Variants in GRM8 observed in about 807,000 individuals in gnomAD.
GRM8 encodes glutamate metabotropic receptor 8.
In GRM8, 47 loss-of-function variants were observed where a neutral mutation model predicts 87.2. The ratio of observed to expected loss-of-function variants is 0.54; its 90% confidence interval spans 0.43 to 0.69. The LOEUF (loss-of-function observed/expected upper bound fraction) is 0.69, where lower values mean the gene tolerates loss of function less well. Ranked by LOEUF, GRM8 falls within the 30% of genes least tolerant of loss-of-function variation. The pLI is 0.00. For synonymous variants in GRM8, 396 were observed against 404.5 expected (o/e 0.98, Z 0.25); for missense variants, 1,019 against 1,139.2 (o/e 0.89, Z 1.52).
chr7:127,081,872 T>A (rs6979572), intron 3 of GRM8, among the ~76,000 whole-genome samples: 38,438 of 152,006 alleles, frequency 0.25, 5,837 homozygotes, highest in African/African-American at 0.42. Context: ...TGAGTGCTGA[T>A]AAAGGAGACA....
chr7:126,453,070 A>AACACACACACAC (rs71177555), intron 9 of GRM8, among the ~76,000 whole-genome samples: 2 of 145,948 alleles, frequency 1.4e-5, no homozygotes, highest in Non-Finnish European at 3.0e-5. Context: ...TTATAGCAGA[A>AACACACACACAC]ACACACACAC....
At chr7:126,818,156 A>G (rs1268886781) in intron 6 of GRM8, among the ~76,000 whole-genome samples, 2 of 151,986 alleles carry the variant, frequency 1.3e-5, no homozygotes, top group African/African-American at 4.8e-5. Flanking sequence ...TTCTAAGAAA[A>G]CTGTGACTCT....
chr7:126,843,178 G>A (rs1796427557), intron 6 of GRM8, among the ~76,000 whole-genome samples: 1 of 152,094 alleles, frequency 6.6e-6, no homozygotes, highest in Admixed American at 6.6e-5. Context: ...TGAAGTGTTG[G>A]GATTTCAGCT....
At chr7:127,190,800 A>G (rs950259690) in intron 2 of GRM8, among the ~76,000 whole-genome samples, 5 of 152,168 alleles carry the variant, frequency 3.3e-5, no homozygotes, top group African/African-American at 1.2e-4. Context: ...CTCAGACATT[A>G]TTTTTTTAAC....
intron 10 of GRM8, among the ~76,000 whole-genome samples, chr7:126,444,991 C>T (rs1046013467): frequency 1.4e-5 from 2 of 145,216 alleles, no homozygotes; most frequent in Non-Finnish European, 3.1e-5. Context: ...ACAAAACAAA[C>T]AAACAAACAA....
intron 7 of GRM8, among the ~76,000 whole-genome samples, chr7:126,616,923 T>A (rs920153510): frequency 2.6e-5 from 4 of 152,180 alleles, no homozygotes; most frequent in African/African-American, 7.2e-5. Flanking sequence ...CCAGACGGAT[T>A]CAGAGCCAAA....
At chr7:126,662,732 T>G (rs2151284377) in intron 7 of GRM8, among the ~76,000 whole-genome samples, 1 of 150,790 alleles carries the variant, frequency 6.6e-6, no homozygotes, top group South Asian at 2.1e-4. Flanking sequence ...AATATTCTAT[T>G]TTTTTTTTCT....
chr7:126,826,092 T>C (rs1394830130), intron 6 of GRM8, among the ~76,000 whole-genome samples: 1 of 152,174 alleles, frequency 6.6e-6, no homozygotes, highest in Non-Finnish European at 1.5e-5. Context: ...TGTGTATATG[T>C]GCCACATTTT....
At chr7:126,966,888 G>A (rs1310800669) in intron 3 of GRM8, among the ~76,000 whole-genome samples, 1 of 152,144 alleles carries the variant, frequency 6.6e-6, no homozygotes, top group Non-Finnish European at 1.5e-5. Flanking sequence ...AAAGTCATGG[G>A]GCAGGAACAG....
chr7:126,721,164 T>C (rs538932412), intron 7 of GRM8, among the ~76,000 whole-genome samples: 1 of 152,356 alleles, frequency 6.6e-6, no homozygotes, highest in East Asian at 1.9e-4. Context: ...CTGTCACTAT[T>C]TCTTCACAAT....
chr7:127,092,364 A>G (rs1824218209), intron 3 of GRM8, among the ~76,000 whole-genome samples: 1 of 152,174 alleles, frequency 6.6e-6, no homozygotes, highest in Non-Finnish European at 1.5e-5. Flanking sequence ...GATGAAGATT[A>G]GAGAAGGCTT....
intron 7 of GRM8, among the ~76,000 whole-genome samples, chr7:126,710,707 T>C (rs558225630): frequency 6.6e-5 from 10 of 152,288 alleles, no homozygotes; most frequent in South Asian, 4.1e-4. Context: ...TCCATGAGGG[T>C]TGGAATCAAT....
intron 2 of GRM8, chr7:127,229,553 A>G (rs1226147994): frequency 2.0e-5 from 3 of 152,212 alleles, no homozygotes; most frequent in Admixed American, 6.5e-5. Flanking sequence ...AAGGATTTAA[A>G]ATTCTATCCA....
intron 7 of GRM8, among the ~76,000 whole-genome samples, chr7:126,706,839 T>C (rs886176): frequency 0.67 from 102,525 of 152,102 alleles, 35,422 homozygotes; most frequent in African/African-American, 0.84. Context: ...CATGTTATTT[T>C]CAATGGTCCT....
intron 9 of GRM8, among the ~76,000 whole-genome samples, chr7:126,451,779 G>A (rs778890427): frequency 3.3e-5 from 5 of 151,628 alleles, no homozygotes; most frequent in Non-Finnish European, 7.4e-5. Flanking sequence ...CTGGTGGCTT[G>A]CCTCTTCACT....
At chr7:126,534,229 T>C (rs1413873699) in intron 8 of GRM8, among the ~76,000 whole-genome samples, 3 of 152,146 alleles carry the variant, frequency 2.0e-5, no homozygotes, top group Admixed American at 6.5e-5. Flanking sequence ...CGTAGAAAGA[T>C]GCTTTAGAGT....
chr7:127,228,759 A>G lies in GRM8; in HGVS notation c.510+13936T>C, dbSNP rs528061820. On this transcript the variant is annotated intron_variant, in intron 2 of 10. Transcript: ENST00000339582. ...GTATTATCCATTTTATTTGAAAACC[A>G]TGGAACTCTACTACTAGAACTTCAT... 3.3e-5 allele frequency: 5 copies of G among 152,338 alleles called. No individual in the cohort carries two copies. The East Asian group carries it at 5.8e-4, about 18-fold the overall frequency. 9.4% of individuals were successfully genotyped at this position (152,338 alleles called of 1,614,324 possible).
intron 6 of GRM8, among the ~76,000 whole-genome samples, chr7:126,888,017 G>A (rs1017699084): frequency 6.6e-6 from 1 of 152,114 alleles, no homozygotes. Context: ...TCCTGCAAAA[G>A]AGGGGGTAGG....
chr7:126,851,815 T>C (rs1219538829), intron 6 of GRM8, among the ~76,000 whole-genome samples: 2 of 152,186 alleles, frequency 1.3e-5, no homozygotes, highest in Admixed American at 1.3e-4. Flanking sequence ...TACCCTGCTT[T>C]ATTTTTCCCC....
Sources: allele counts gnomAD v4.1 joint callset (sites outside exome capture counted in the v4.1 genomes callset), GRCh38; gene constraint gnomAD v4.1.1; transcripts MANE v1.5; gene names NCBI Gene and HGNC (gene_info 2026-07-23, HGNC 2026-07-21).